The following ICA1L variants were observed in gnomAD, a reference collection of about 807,000 sequenced individuals.
The protein encoded by ICA1L is islet cell autoantigen 1-like protein.
In ICA1L, 50 loss-of-function variants were observed where a neutral mutation model predicts 61.3. The observed-to-expected ratio is 0.82, with a 90% CI of 0.65 to 1.03. The LOEUF is 1.03. Among genes scored for constraint, ICA1L ranks in the 50% least tolerant of loss-of-function variants. ICA1L has a pLI of 0.00. For missense variants in ICA1L, 508 were observed against 556.7 expected (o/e 0.91, Z 0.88); for synonymous variants, 161 against 191.3 (o/e 0.84, Z 1.31).
At chr2:202,867,842 A>G (rs1449094694) in intron 1 of ICA1L, among the ~76,000 whole-genome samples, 1 of 152,200 alleles carries the variant, frequency 6.6e-6, no homozygotes, top group African/African-American at 2.4e-5. Flanking sequence ...ACAATCCAGC[A>G]ATTGTATTCT....
chr2:202,851,274 T>C (rs1365378936), intron 1 of ICA1L, among the ~76,000 whole-genome samples: 1 of 152,096 alleles, frequency 6.6e-6, no homozygotes, highest in Non-Finnish European at 1.5e-5. Flanking sequence ...TGTTTTTTTG[T>C]CCTTGCGATA....
chr2:202,809,396 TC>T (rs1417712784), intron 9 of ICA1L, among the ~76,000 whole-genome samples: 1 of 151,948 alleles, frequency 6.6e-6, no homozygotes. Flanking sequence ...ACGCCTGTAA[TC>T]CCAGTACTTC....
Position 202,871,619 on chromosome 2 carries a change from C to T in ICA1L, c.-8G>A, listed in dbSNP as rs1458549770. On this transcript the variant is annotated splice_region_variant and 5_prime_UTR_variant, in exon 1 of 13. Coordinates refer to ENST00000358299, the MANE Select transcript of ICA1L (RefSeq NM_001288622.3). ...CGGACAGGAGGCAGCAGAAGCTTACCGGCGCCGCTCTTCCGCCTCCTCGGG... is the reference window on the plus strand; with the variant it reads ...CGGACAGGAGGCAGCAGAAGCTTACTGGCGCCGCTCTTCCGCCTCCTCGGG... 6.6e-6 allele frequency: 1 copy of T among 152,088 alleles called. No homozygotes were observed. Among genetic ancestry groups the T allele is most frequent in the African/African-American group, 2.4e-5 (1 of 41,422 alleles). 9.4% of individuals were successfully genotyped at this position (152,088 alleles called of 1,614,324 possible).
At chr2:202,855,643 TA>T (rs1168894917) in intron 1 of ICA1L, among the ~76,000 whole-genome samples, 2 of 152,044 alleles carry the variant, frequency 1.3e-5, no homozygotes, top group Non-Finnish European at 2.9e-5. Flanking sequence ...TGGCCTCCAA[TA>T]ACAAGTTCTG....
chr2:202,804,303 G>T (rs1693168028), intron 9 of ICA1L, among the ~76,000 whole-genome samples: 1 of 152,186 alleles, frequency 6.6e-6, no homozygotes, highest in Non-Finnish European at 1.5e-5. Flanking sequence ...TCTGGCTCCA[G>T]CCAATGGAGA....
intron 1 of ICA1L, among the ~76,000 whole-genome samples, chr2:202,835,723 A>C (rs1291706153): frequency 6.8e-6 from 1 of 147,946 alleles, no homozygotes; most frequent in South Asian, 2.1e-4. Context: ...TTTTTTTTTT[A>C]TTTTTTGTAG....
intron 9 of ICA1L, among the ~76,000 whole-genome samples, chr2:202,803,888 A>G (rs1353930167): frequency 6.6e-6 from 1 of 152,174 alleles, no homozygotes; most frequent in Non-Finnish European, 1.5e-5. Context: ...TAATTCACCA[A>G]AAAGATATAA....
intron 1 of ICA1L, among the ~76,000 whole-genome samples, chr2:202,859,472 G>T (rs913848026): frequency 2.0e-5 from 3 of 152,168 alleles, no homozygotes; most frequent in African/African-American, 7.2e-5. Context: ...TGCCAGCTTT[G>T]TTCTGGGTGC....
intron 1 of ICA1L, among the ~76,000 whole-genome samples, chr2:202,848,383 T>G (rs1694524494): frequency 6.6e-6 from 1 of 152,230 alleles, no homozygotes; most frequent in Non-Finnish European, 1.5e-5. Context: ...GAAACAAGTT[T>G]ACTGAAGTGA....
At chr2:202,782,165 G>A (rs1692427279) in intron 12 of ICA1L, among the ~76,000 whole-genome samples, 1 of 151,976 alleles carries the variant, frequency 6.6e-6, no homozygotes, top group Non-Finnish European at 1.5e-5. Flanking sequence ...GGACAACATG[G>A]TGAAAACCCG....
intron 1 of ICA1L, among the ~76,000 whole-genome samples, chr2:202,867,679 T>C (rs1407692820): frequency 5.3e-5 from 8 of 152,096 alleles, no homozygotes; most frequent in Non-Finnish European, 2.9e-5. Context: ...CAAAGAGATA[T>C]CAGCACACCC....
At position 202,796,966 on chromosome 2, in the gene ICA1L, T is replaced by C. The variant is rs199644614; in HGVS notation, c.911-2A>G. On this transcript the variant is annotated splice_acceptor_variant, in intron 9 of 12. Coordinates refer to ENST00000358299, the MANE Select transcript of ICA1L (RefSeq NM_001288622.3). LOFTEE classifies it high-confidence loss of function. The stretch of plus-strand genomic sequence containing the variant: ...GTTTTTCATTGTGATCTTTGTTTGC[T>C]AAATCAAAAGCACATAAAAGAGAAG... The C allele has an allele frequency of 6.3e-7, 1 of 1,588,342 alleles. No individual in the cohort carries two copies. The highest frequency in any genetic ancestry group is 8.6e-7 in the Non-Finnish European group (1 of 1,168,542).
chr2:202,812,909 TGTG>T (rs1258175541), intron 8 of ICA1L, among the ~76,000 whole-genome samples: 1 of 152,128 alleles, frequency 6.6e-6, no homozygotes, highest in Non-Finnish European at 1.5e-5. Flanking sequence ...TCTTATGAAA[TGTG>T]AGAATGGAAA....
intron 9 of ICA1L, among the ~76,000 whole-genome samples, chr2:202,804,964 A>T (rs181386107): frequency 6.6e-6 from 1 of 152,358 alleles, no homozygotes; most frequent in African/African-American, 2.4e-5. Context: ...AAATAACTGA[A>T]ATTGAATGAT....
chr2:202,801,961 G>A (rs1693097214), intron 9 of ICA1L, among the ~76,000 whole-genome samples: 1 of 152,086 alleles, frequency 6.6e-6, no homozygotes, highest in Admixed American at 6.6e-5. Flanking sequence ...AATATTGGCT[G>A]GTATTCACAA....
chr2:202,781,352 C>T (rs183505603), intron 12 of ICA1L, among the ~76,000 whole-genome samples: 1 of 151,902 alleles, frequency 6.6e-6, no homozygotes, highest in Non-Finnish European at 1.5e-5. Flanking sequence ...GTGTGCAGAT[C>T]ACCTGAGGTC....
At chr2:202,808,002 G>A (rs1363723782) in intron 9 of ICA1L, among the ~76,000 whole-genome samples, 1 of 152,166 alleles carries the variant, frequency 6.6e-6, no homozygotes, top group African/African-American at 2.4e-5. Context: ...ACTTGGGTAA[G>A]ACCCAGGGCT....
intron 1 of ICA1L, chr2:202,841,860 ATTT>A (rs138379846): frequency 9.6e-4 from 209 of 217,858 alleles, no homozygotes; most frequent in South Asian, 1.8e-3. Flanking sequence ...TTCTTGGTCT[ATTT>A]TTTTTTTTTT....
intron 10 of ICA1L, among the ~76,000 whole-genome samples, chr2:202,792,525 C>T (rs1692784834): frequency 6.6e-6 from 1 of 152,130 alleles, no homozygotes; most frequent in Non-Finnish European, 1.5e-5. Flanking sequence ...AATAAACTGG[C>T]CGGGTGCAGT....
Sources: allele counts gnomAD v4.1 joint callset (sites outside exome capture counted in the v4.1 genomes callset), GRCh38; gene constraint gnomAD v4.1.1; transcripts MANE v1.5; gene names NCBI Gene and HGNC (gene_info 2026-07-23, HGNC 2026-07-21).